SEC14L4: variants seen among roughly 807,000 people sequenced by gnomAD.
SEC14L4 encodes SEC14-like protein 4.
A neutral mutation model predicts 55.1 loss-of-function variants in SEC14L4; 42 were observed. The ratio of observed to expected loss-of-function variants is 0.76; its 90% CI spans 0.60 to 0.99. The LOEUF is 0.99. Ranked by LOEUF, SEC14L4 falls within the 50% of genes least tolerant of loss-of-function variation. SEC14L4 has a pLI of 0.00. For missense variants in SEC14L4, 445 were observed against 512.1 expected (o/e 0.87, Z 1.27); for synonymous variants, 206 against 206.8 (o/e 1.00, Z 0.03).
rs1333117529 is a variant in SEC14L4 at position 30,492,861 on chromosome 22, A to T, written c.581-304T>A. 4 of 313,092 alleles carry T rather than the reference A, an allele frequency of 1.3e-5. No individual in the cohort carries two copies. In the East Asian group the frequency reaches 2.8e-4, roughly 22 times the overall value. The allele number at this position is 313,092 out of a possible 1,614,324, so 19.4% of individuals were successfully genotyped here. A position where few individuals can be genotyped will look rare whatever the true frequency, so the allele number is the denominator to read the frequency against. ...CACTTTGGGAGGCTGAGGTAGGCAG[A>T]TCACTTGAAGCCAGCAGTTCAAGAC... On this transcript the variant is annotated intron_variant, in intron 7 of 11. Coordinates refer to ENST00000255858, the MANE Select transcript of SEC14L4 (RefSeq NM_174977.4).
chr22:30,502,840 C>T (rs983005518), intron 2 of SEC14L4, among the ~76,000 whole-genome samples: 5 of 146,576 alleles, frequency 3.4e-5, no homozygotes, highest in Non-Finnish European at 6.0e-5. Flanking sequence ...TGTGAGCCAT[C>T]GCATCTGGCT....
At chr22:30,505,445 G>A (rs942143614) in intron 1 of SEC14L4, 113 bp downstream of exon 1, 1 of 1,121,214 alleles carries the variant, frequency 8.9e-7, no homozygotes, top group Non-Finnish European at 1.3e-6. Context: ...GAACAGAGGC[G>A]CTCTCTCCAG....
intron 2 of SEC14L4, among the ~76,000 whole-genome samples, chr22:30,498,124 C>CTTTT (rs869157636): frequency 7.3e-4 from 72 of 98,360 alleles, no homozygotes; most frequent in African/African-American, 1.5e-3. Context: ...TTTTCATTAT[C>CTTTT]TTTTTTTTTT....
intron 3 of SEC14L4, 44 bp from the exon 4 acceptor site, chr22:30,495,686 G>A: frequency 6.2e-7 from 1 of 1,613,564 alleles, no homozygotes; most frequent in Non-Finnish European, 8.5e-7. Flanking sequence ...CAGGAACCTG[G>A]GGACACCAGG....
rs1026341345 is a variant in SEC14L4 at position 30,489,531 on chromosome 22, C to G, written c.*576G>C. The G allele has an allele frequency of 2.2e-6, 1 of 447,290 alleles. No homozygotes were observed. Among genetic ancestry groups the G allele is most frequent in the Non-Finnish European group, 4.0e-6 (1 of 248,210 alleles). The allele number at this position is 447,290 out of a possible 1,614,324, so 27.7% of individuals were successfully genotyped here. A position where few individuals can be genotyped will look rare whatever the true frequency, so the allele number is the denominator to read the frequency against. Reference sequence around the variant, plus strand: ...CTGGGATTATAGGCGTGAGCCACCACGCCCAGTCCATTTCCAATTTTCCAT... The same window carrying G: ...CTGGGATTATAGGCGTGAGCCACCAGGCCCAGTCCATTTCCAATTTTCCAT... On this transcript the variant is annotated 3_prime_UTR_variant, in exon 12 of 12. Coordinates refer to ENST00000255858, the MANE Select transcript of SEC14L4 (RefSeq NM_174977.4).
rs1454349039 is a variant in SEC14L4, at chr22:30,505,444, C to A, written c.54+114G>T. The A allele has an allele frequency of 1.5e-5, 17 of 1,108,472 alleles. 1 individual carries two copies. In the Admixed American group the frequency reaches 3.4e-4, roughly 22 times the overall value. 68.7% of individuals were successfully genotyped at this position (1,108,472 alleles called of 1,614,324 possible). ...GCTGGACCAGAGGGCAGAACAGAGG[C>A]GCTCTCTCCAGGCTCGGTGTTCCAG... On this transcript the variant is annotated intron_variant, in intron 1 of 11. Coordinates refer to ENST00000255858, the MANE Select transcript of SEC14L4 (RefSeq NM_174977.4).
chr22:30,489,438 C>T lies in SEC14L4; in HGVS notation c.*669G>A. On this transcript the variant is annotated 3_prime_UTR_variant, in exon 12 of 12. Coordinates refer to ENST00000255858, the MANE Select transcript of SEC14L4 (RefSeq NM_174977.4). ...TATTTTTAGTAGAGACAGGGTTTCA[C>T]CATGTTGCCCAGGCTGGTCCCGAAC... The T allele has an allele frequency of 4.8e-6, 1 of 208,724 alleles. No homozygotes were observed. Among genetic ancestry groups the T allele is most frequent in the South Asian group, 9.7e-5 (1 of 10,260 alleles). 12.9% of individuals were successfully genotyped at this position (208,724 alleles called of 1,614,324 possible). A position where few individuals can be genotyped will look rare whatever the true frequency, so the allele number is the denominator to read the frequency against.
chr22:30,501,862 TATATATATATATAC>T lies in SEC14L4; in HGVS notation c.130+1801_130+1814del, dbSNP rs552688282. ...ACACACGCACATATATATATATATA[TATATATATATATAC>T]ATACACATACTTTTTTTTTTAAGAC... is the stretch of plus-strand genomic sequence containing the variant. On this transcript the variant is annotated intron_variant, in intron 2 of 11. Transcript: ENST00000255858. Among the ~76,000 whole-genome samples, 194 of 143,018 alleles carry T rather than the reference TATATATATATATAC, an allele frequency of 1.4e-3. 3 individuals carry two copies. In the East Asian group the frequency reaches 0.028, roughly 21 times the overall value. The allele number at this position is 143,018 out of a possible 152,430, so 93.8% of individuals were successfully genotyped here. A position where few individuals can be genotyped will look rare whatever the true frequency, so the allele number is the denominator to read the frequency against.
intron 6 of SEC14L4, 45 bp downstream of exon 6, chr22:30,494,821 G>A (rs1262998431): frequency 7.8e-7 from 1 of 1,277,712 alleles, no homozygotes; most frequent in Admixed American, 1.7e-5. Flanking sequence ...GCTCACAGCT[G>A]GGAGCCACTG....
intron 2 of SEC14L4, among the ~76,000 whole-genome samples, chr22:30,499,400 T>C (rs1936251158): frequency 6.6e-6 from 1 of 151,732 alleles, no homozygotes; most frequent in South Asian, 2.1e-4. Flanking sequence ...GACTTCTTTA[T>C]ATCTACATTC....
intron 2 of SEC14L4, 33 bp from the exon 3 acceptor site, chr22:30,496,004 G>A: frequency 1.9e-6 from 3 of 1,606,416 alleles, no homozygotes; most frequent in Non-Finnish European, 1.7e-6. Context: ...GAAGCTCAAG[G>A]CTAGATCCAG....
At chr22:30,496,777 GTGTT>G (rs2146185314) in intron 2 of SEC14L4, among the ~76,000 whole-genome samples, 1 of 152,332 alleles carries the variant, frequency 6.6e-6, no homozygotes, top group African/African-American at 2.4e-5. Context: ...TGTATAGAAA[GTGTT>G]TGGCCCAATA....
chr22:30,502,744 T>G (rs1429758872), intron 2 of SEC14L4, among the ~76,000 whole-genome samples: 1 of 152,072 alleles, frequency 6.6e-6, no homozygotes, highest in Non-Finnish European at 1.5e-5. Context: ...AGAGATGAGG[T>G]TTCGCCATGT....
At chr22:30,495,499 C>A in intron 4 of SEC14L4, 57 bp from the exon 5 acceptor site, 1 of 1,608,510 alleles carries the variant, frequency 6.2e-7, no homozygotes, top group South Asian at 1.1e-5. Context: ...GGTCCCTACT[C>A]CATCAGGTGG....
chr22:30,493,197 C>T (rs1033824486), intron 7 of SEC14L4, among the ~76,000 whole-genome samples: 2 of 152,106 alleles, frequency 1.3e-5, no homozygotes, highest in Admixed American at 6.6e-5. Flanking sequence ...ATTGATTCCC[C>T]AACAGTATCA....
rs958901588 is a variant in SEC14L4 at position 30,491,689 on chromosome 22, G to T, written c.965C>A (p.Thr322Asn). The T allele has an allele frequency of 1.2e-6, 2 of 1,614,090 alleles. No individual in the cohort carries two copies. The highest frequency in any genetic ancestry group is 2.2e-5 in the East Asian group (1 of 44,878). ...GDIGFGVFLK[T>N]KMGEQQSARE... The stretch of plus-strand genomic sequence containing the variant: ...AGCACTCTGCTGCTCCCCCATCTTG[G>T]TCTTCAGGAAAACCCCAAAGCCGAT... Residue 322 changes from threonine (T) to asparagine (N), a missense_variant, in exon 11 of 12, where the codon ACC becomes AAC. Coordinates refer to ENST00000255858, the MANE Select transcript of SEC14L4 (RefSeq NM_174977.4).
At position 30,499,786 on chromosome 22, in the gene SEC14L4, C is replaced by T. The variant is rs1158086379; in HGVS notation, c.131-3815G>A. On this transcript the variant is annotated intron_variant, in intron 2 of 11. Transcript: ENST00000255858. ...GAAATAAAAAATTGTACTGATCTAGCTTTGAAATCAAACTTACTCAAACCT... is the reference window on the plus strand; with the variant it reads ...GAAATAAAAAATTGTACTGATCTAGTTTTGAAATCAAACTTACTCAAACCT... Among the ~76,000 whole-genome samples, 4 of 151,904 alleles carry T rather than the reference C, an allele frequency of 2.6e-5. No individual in the cohort carries two copies. The East Asian group carries it at 7.7e-4, about 29-fold the overall frequency.
chr22:30,500,689 C>T (rs896868489), intron 2 of SEC14L4, among the ~76,000 whole-genome samples: 2 of 149,186 alleles, frequency 1.3e-5, no homozygotes, highest in Admixed American at 6.8e-5. Context: ...CAGTTAGGAA[C>T]CAGAATGTGG....
chr22:30,490,557 C>T (rs769094103), intron 11 of SEC14L4, among the ~76,000 whole-genome samples: 4 of 152,198 alleles, frequency 2.6e-5, no homozygotes, highest in Non-Finnish European at 4.4e-5. Context: ...AACGGGATCT[C>T]GAGCTCCACC....
Sources: allele counts gnomAD v4.1 joint callset (sites outside exome capture counted in the v4.1 genomes callset), GRCh38; gene constraint gnomAD v4.1.1; transcripts MANE v1.5; gene names NCBI Gene and HGNC (gene_info 2026-07-23, HGNC 2026-07-21).